CFAP58: variants seen among roughly 807,000 people sequenced by gnomAD.
CFAP58 encodes the protein cilia- and flagella-associated protein 58.
In CFAP58, 88 loss-of-function variants were observed where a neutral mutation model predicts 119.5. The observed-to-expected ratio is 0.74, with a 90% CI of 0.62 to 0.88. CFAP58 has a LOEUF of 0.88. Among genes scored for constraint, CFAP58 ranks in the 40% least tolerant of loss-of-function variants. CFAP58 has a pLI of 0.00. For missense variants in CFAP58, 990 were observed against 1,021.2 expected (o/e 0.97, Z 0.42); for synonymous variants, 365 against 366.3 (o/e 1.00, Z 0.04).
chr10:104,386,512 C>G (rs774877808), intron 9 of CFAP58, among the ~76,000 whole-genome samples: 1 of 152,014 alleles, frequency 6.6e-6, no homozygotes, highest in African/African-American at 2.4e-5. Flanking sequence ...AAATAAAATT[C>G]CACCTTTCCC....
At chr10:104,341,457 ACATAGGAC>A in the CFAP58 span, among the ~76,000 whole-genome samples, 1 of 151,750 alleles carries the variant, frequency 6.6e-6, no homozygotes, top group Non-Finnish European at 1.5e-5. Context: ...AAATGATAGG[ACATAGGAC>A]TATGAAAAAA....
chr10:104,425,689 C>T lies in CFAP58; in HGVS notation c.2256+18896C>T, dbSNP rs142609418. Among the ~76,000 whole-genome samples, 1,048 of 152,320 alleles carry T rather than the reference C, an allele frequency of 6.9e-3. 8 individuals carry two copies. Among genetic ancestry groups the T allele is most frequent in the Non-Finnish European group, 0.012 (784 of 68,032 alleles). On this transcript the variant is annotated intron_variant, in intron 15 of 17. Transcript: ENST00000369704. ...CCGTGGCAGAGTCGGGGCCCAAACCCGTGCAGTCTGTGGTGAGAAGTGACT... is the reference window on the plus strand; with the variant it reads ...CCGTGGCAGAGTCGGGGCCCAAACCTGTGCAGTCTGTGGTGAGAAGTGACT...
chr10:104,372,234 T>G (rs910222901), intron 7 of CFAP58, among the ~76,000 whole-genome samples: 9 of 152,068 alleles, frequency 5.9e-5, no homozygotes, highest in Non-Finnish European at 1.3e-4. Flanking sequence ...GTGCCTGTAA[T>G]CCCAGCTACT....
chr10:104,372,259 A>G lies in CFAP58; in HGVS notation c.1090+1205A>G, dbSNP rs550244003. On this transcript the variant is annotated intron_variant, in intron 7 of 17. Coordinates refer to ENST00000369704, the MANE Select transcript of CFAP58 (RefSeq NM_001008723.2). ...TCCCAGCTACTTGGGAGGCTGAGGC[A>G]GGAGAATCGCTTGAACCTGGGAGGT... Among the ~76,000 whole-genome samples, 15 of 152,254 alleles carry G rather than the reference A, an allele frequency of 9.9e-5. No homozygotes were observed. The East Asian group carries it at 2.9e-3, about 29-fold the overall frequency.
chr10:104,424,206 C>T (rs911877620), intron 15 of CFAP58, among the ~76,000 whole-genome samples: 1 of 152,142 alleles, frequency 6.6e-6, no homozygotes, highest in African/African-American at 2.4e-5. Flanking sequence ...GCCTATATGC[C>T]TGGGAGTCCT....
chr10:104,366,032 A>C (rs1564880226), intron 5 of CFAP58, 24 bp downstream of exon 5: 3 of 1,536,104 alleles, frequency 2.0e-6, no homozygotes. Context: ...GGGTCTTCGC[A>C]AAAAACCAAG....
At chr10:104,339,458 G>C in the CFAP58 span, among the ~76,000 whole-genome samples, 2 of 152,220 alleles carry the variant, frequency 1.3e-5, no homozygotes, top group Non-Finnish European at 2.9e-5. Flanking sequence ...CAGTACAAAA[G>C]GCAGAGCAGG....
At chr10:104,422,814 G>A (rs1373099246) in intron 15 of CFAP58, among the ~76,000 whole-genome samples, 1 of 152,208 alleles carries the variant, frequency 6.6e-6, no homozygotes, top group African/African-American at 2.4e-5. Flanking sequence ...GCCAAAGCAA[G>A]TCACATGGCC....
chr10:104,360,046 G>T (rs2014645210), intron 2 of CFAP58, among the ~76,000 whole-genome samples: 1 of 152,166 alleles, frequency 6.6e-6, no homozygotes, highest in Admixed American at 6.5e-5. Context: ...TTACCCAAGA[G>T]TAATCTGTCT....
chr10:104,388,624 A>G (rs2011972317), intron 9 of CFAP58, among the ~76,000 whole-genome samples: 1 of 152,252 alleles, frequency 6.6e-6, no homozygotes, highest in East Asian at 1.9e-4. Flanking sequence ...AACCATTGAC[A>G]TCAAGTCAGA....
intron 15 of CFAP58, among the ~76,000 whole-genome samples, chr10:104,419,324 C>T (rs1419472549): frequency 1.3e-5 from 2 of 152,118 alleles, no homozygotes; most frequent in Non-Finnish European, 2.9e-5. Flanking sequence ...GTTCAGGTCA[C>T]ACTACTCATG....
chr10:104,396,046 G>A (rs2012146981), intron 11 of CFAP58, among the ~76,000 whole-genome samples: 1 of 152,146 alleles, frequency 6.6e-6, no homozygotes, highest in Non-Finnish European at 1.5e-5. Context: ...CATTATGGTT[G>A]TGACAGGATG....
At chr10:104,448,636 A>G (rs1389276148) in intron 16 of CFAP58, among the ~76,000 whole-genome samples, 2 of 152,200 alleles carry the variant, frequency 1.3e-5, no homozygotes, top group Non-Finnish European at 2.9e-5. Context: ...CCACCCTACT[A>G]GTATAGCCCT....
intron 1 of CFAP58, among the ~76,000 whole-genome samples, chr10:104,355,273 A>T (rs922410558): frequency 6.6e-6 from 1 of 151,590 alleles, no homozygotes; most frequent in Non-Finnish European, 1.5e-5. Context: ...TTCATTCTTC[A>T]TTCCCCATAG....
intron 3 of CFAP58, among the ~76,000 whole-genome samples, 175 bp from the exon 4 acceptor site, chr10:104,364,558 G>C (rs1193518785): frequency 1.3e-5 from 2 of 151,650 alleles, no homozygotes; most frequent in African/African-American, 4.9e-5. Context: ...CTTCTTTCCA[G>C]TTAACATTTC....
chr10:104,408,632 T>C (rs2012404695), intron 15 of CFAP58, among the ~76,000 whole-genome samples: 1 of 152,234 alleles, frequency 6.6e-6, no homozygotes, highest in Non-Finnish European at 1.5e-5. Flanking sequence ...GCCAAGCATC[T>C]GTATTATAAG....
upstream of CFAP58, among the ~76,000 whole-genome samples, chr10:104,352,351 G>T (rs1033805666): frequency 6.6e-6 from 1 of 152,166 alleles, no homozygotes; most frequent in Non-Finnish European, 1.5e-5. Flanking sequence ...AGGCTACTGG[G>T]CATCGTTGTG....
intron 15 of CFAP58, among the ~76,000 whole-genome samples, chr10:104,427,297 A>G (rs1589932343): frequency 1.3e-5 from 2 of 152,250 alleles, no homozygotes; most frequent in East Asian, 3.8e-4. Flanking sequence ...TTATAAAACC[A>G]GTTCCAAGAA....
At chr10:104,357,848 CACATATATACACATATAT>C (rs1302996160) in intron 1 of CFAP58, among the ~76,000 whole-genome samples, 3,608 of 49,932 alleles carry the variant, frequency 0.072, 247 homozygotes, top group African/African-American at 0.17. Context: ...CACATATGTA[CACATATATACACATATAT>C]ACACATATAT....
Sources: gnomAD v4.1 joint callset for allele counts (sites outside exome capture counted in the v4.1 genomes callset) on GRCh38, gnomAD v4.1.1 for gene constraint, MANE v1.5 for transcripts, NCBI Gene and HGNC (gene_info 2026-07-23, HGNC 2026-07-21) for gene names.